The following METTL15 variants were observed in gnomAD, a reference collection of about 807,000 sequenced individuals.
METTL15 encodes 12S rRNA N(4)-cytidine methyltransferase METTL15.
A neutral mutation model predicts 38.3 loss-of-function variants in METTL15; 34 were observed. The observed-to-expected ratio is 0.89, with a 90% CI of 0.68 to 1.18. The LOEUF is 1.18. Among genes scored for constraint, METTL15 ranks in the 50% most tolerant of loss-of-function variants. The pLI, the probability that METTL15 is intolerant of heterozygous loss-of-function variation, is 0.00. For synonymous variants in METTL15, 162 were observed against 170.9 expected (o/e 0.95, Z 0.41); for missense variants, 438 against 498.4 (o/e 0.88, Z 1.15).
In METTL15 at chr11:28,330,724, A is replaced by G. The variant is rs1432774068; in HGVS notation, c.1107A>G (p.Arg369=). The G allele has an allele frequency of 3.9e-6, 6 of 1,551,478 alleles. No individual in the cohort carries two copies. The highest frequency in any genetic ancestry group is 5.2e-6 in the Non-Finnish European group (6 of 1,146,834). Residue 369 remains arginine, a synonymous_variant, in exon 7 of 7, where the codon AGA becomes AGG. Transcript: ENST00000407364. Reference sequence around the variant, plus strand: ...AAAACACGGAAGAAGTCTCTATGAGAAGAGCTCCTTTAATGTGGGAATTGA... The same window carrying G: ...AAAACACGGAAGAAGTCTCTATGAGGAGAGCTCCTTTAATGTGGGAATTGA... ...DHENTEEVSM[R]RAPLMWELIH... is the part of the protein sequence containing the mutation.
At chr11:28,355,528 C>T (rs939518682) in intron 4 of METTL15, among the ~76,000 whole-genome samples, 1 of 152,034 alleles carries the variant, frequency 6.6e-6, no homozygotes, top group Admixed American at 6.5e-5. Context: ...ATTCCATATC[C>T]ATGTATTTAA....
At chr11:28,490,536 G>T (rs957746861) in intron 6 of METTL15, among the ~76,000 whole-genome samples, 7 of 151,886 alleles carry the variant, frequency 4.6e-5, no homozygotes, top group African/African-American at 1.7e-4. Context: ...GGCAAAGCAG[G>T]GTCTCCTCCC....
At chr11:28,250,214 T>C (rs1854682414) in intron 4 of METTL15, among the ~76,000 whole-genome samples, 1 of 152,082 alleles carries the variant, frequency 6.6e-6, no homozygotes, top group African/African-American at 2.4e-5. Flanking sequence ...GGTAGAATGA[T>C]GTATTTTCCT....
intron 6 of METTL15, among the ~76,000 whole-genome samples, chr11:28,453,999 G>A (rs557805256): frequency 9.9e-5 from 15 of 152,208 alleles, no homozygotes; most frequent in Admixed American, 2.6e-4. Context: ...ACTTTTCTTC[G>A]TTCAGTGATT....
intron 6 of METTL15, among the ~76,000 whole-genome samples, chr11:28,305,867 A>G (rs562741930): frequency 6.6e-6 from 1 of 152,244 alleles, no homozygotes; most frequent in East Asian, 1.9e-4. Flanking sequence ...AGTGATGCCT[A>G]TTTATGGAAG....
downstream of METTL15, among the ~76,000 whole-genome samples, chr11:28,527,912 T>C (rs936209137): frequency 1.3e-5 from 2 of 152,226 alleles, no homozygotes; most frequent in African/African-American, 4.8e-5. Flanking sequence ...ATTTCATAAT[T>C]CCTTGTCTGG....
At chr11:28,403,293 G>A (rs1397489250) in intron 5 of METTL15, among the ~76,000 whole-genome samples, 3 of 151,876 alleles carry the variant, frequency 2.0e-5, no homozygotes, top group African/African-American at 7.3e-5. Flanking sequence ...TCCTGCTTTG[G>A]CCTCTTGCTG....
chr11:28,528,027 C>T (rs568853924), downstream of METTL15, among the ~76,000 whole-genome samples: 2 of 152,296 alleles, frequency 1.3e-5, no homozygotes, highest in African/African-American at 4.8e-5. Flanking sequence ...AAAAATGACT[C>T]AGTGTAAATC....
intron 5 of METTL15, among the ~76,000 whole-genome samples, chr11:28,364,347 C>T (rs1173882052): frequency 6.6e-6 from 1 of 152,076 alleles, no homozygotes; most frequent in Non-Finnish European, 1.5e-5. Context: ...TCTGTCACTT[C>T]TGATTTCTTT....
intron 6 of METTL15, among the ~76,000 whole-genome samples, chr11:28,484,606 A>C (rs1044478824): frequency 6.6e-6 from 1 of 152,130 alleles, no homozygotes; most frequent in East Asian, 1.9e-4. Context: ...GCTCTGCATC[A>C]TAGCTGTATC....
intron 5 of METTL15, among the ~76,000 whole-genome samples, chr11:28,416,015 T>G (rs187980894): frequency 6.6e-6 from 1 of 152,334 alleles, no homozygotes; most frequent in Non-Finnish European, 1.5e-5. Context: ...CTTCAAATCG[T>G]TAAATAAAAT....
At chr11:28,461,799 G>A (rs944076292) in intron 6 of METTL15, among the ~76,000 whole-genome samples, 1 of 152,066 alleles carries the variant, frequency 6.6e-6, no homozygotes, top group African/African-American at 2.4e-5. Context: ...ATTATGTAGT[G>A]ATCAAGTCAG....
At chr11:28,314,240 G>A (rs1363116610) in intron 6 of METTL15, among the ~76,000 whole-genome samples, 1 of 152,192 alleles carries the variant, frequency 6.6e-6, no homozygotes, top group Non-Finnish European at 1.5e-5. Context: ...TATGTCAGTA[G>A]GAAAGATAAA....
chr11:28,427,419 T>C (rs1250904569), intron 6 of METTL15, among the ~76,000 whole-genome samples: 2 of 150,976 alleles, frequency 1.3e-5, no homozygotes, highest in Non-Finnish European at 2.9e-5. Flanking sequence ...CTCTCTGGGC[T>C]TTTTTTGGTT....
chr11:28,477,100 A>G (rs774470683), intron 6 of METTL15, among the ~76,000 whole-genome samples: 3 of 152,292 alleles, frequency 2.0e-5, no homozygotes, highest in Non-Finnish European at 4.4e-5. Flanking sequence ...AAATCCCCAG[A>G]CTTGTGCTGT....
At chr11:28,338,331 G>T (rs891440196), downstream of METTL15, among the ~76,000 whole-genome samples, 11 of 151,920 alleles carry the variant, frequency 7.2e-5, no homozygotes, top group Middle Eastern at 3.2e-3. Context: ...TTATTCTAGG[G>T]TATTCTTTAT....
At chr11:28,515,075 C>T (rs566502338) in intron 6 of METTL15, among the ~76,000 whole-genome samples, 5 of 152,186 alleles carry the variant, frequency 3.3e-5, no homozygotes, top group African/African-American at 4.8e-5. Context: ...AAATATATCA[C>T]GTTTTACCAC....
chr11:28,420,320 GA>G (rs1277669653), intron 5 of METTL15, among the ~76,000 whole-genome samples: 1 of 152,108 alleles, frequency 6.6e-6, no homozygotes, highest in East Asian at 1.9e-4. Flanking sequence ...CTTCCAGACA[GA>G]AAATCAACAA....
At position 28,122,196 on chromosome 11, in the gene METTL15, T is replaced by C. The variant is rs1032815080; in HGVS notation, c.270+8592T>C. On this transcript the variant is annotated intron_variant, in intron 3 of 6. Coordinates refer to ENST00000407364, the MANE Select transcript of METTL15 (RefSeq NM_001113528.2). ...AATCCTACAGGTAAATTTAACATTT[T>C]TTTAAAATGAGAATGTTTATGGATT... is the stretch of plus-strand genomic sequence containing the variant. 1.4e-5 allele frequency: 17 copies of C among 1,256,920 alleles called. No homozygotes were observed. In the African/African-American group the frequency reaches 2.4e-4, roughly 17 times the overall value. 77.9% of individuals were successfully genotyped at this position (1,256,920 alleles called of 1,614,324 possible). A position where few individuals can be genotyped will look rare whatever the true frequency, so the allele number is the denominator to read the frequency against.
Sources: allele counts gnomAD v4.1 joint callset (sites outside exome capture counted in the v4.1 genomes callset), GRCh38; gene constraint gnomAD v4.1.1; transcripts MANE v1.5; gene names NCBI Gene and HGNC (gene_info 2026-07-23, HGNC 2026-07-21).